The following RERE variants were observed in gnomAD, a reference collection of about 807,000 sequenced individuals.
RERE encodes the protein arginine-glutamic acid dipeptide repeats protein.
In RERE, 40 loss-of-function variants were observed where a neutral mutation model predicts 146.1. The observed-to-expected ratio is 0.27, with a 90% confidence interval of 0.21 to 0.36. The LOEUF is 0.36. RERE is among the 10% of genes least tolerant of loss of function. RERE has a pLI of 1.00. For missense variants in RERE, 1,933 were observed against 2,138.7 expected (o/e 0.90, Z 1.90); for synonymous variants, 1,003 against 866.0 (o/e 1.16, Z -2.78).
intron 1 of RERE, among the ~76,000 whole-genome samples, chr1:8,698,666 T>G (rs531952609): frequency 6.6e-6 from 1 of 152,286 alleles, no homozygotes; most frequent in Admixed American, 6.5e-5. Context: ...AATACTTTAC[T>G]TTTTCTATTT....
chr1:8,544,611 G>A (rs965622623), intron 6 of RERE, among the ~76,000 whole-genome samples: 13 of 152,172 alleles, frequency 8.5e-5, no homozygotes, highest in African/African-American at 2.7e-4. Flanking sequence ...AACAGTTGGT[G>A]ATTTTGGGTG....
At chr1:8,529,985 G>A (rs112904923) in intron 7 of RERE, among the ~76,000 whole-genome samples, 1,939 of 152,176 alleles carry the variant, frequency 0.013, 38 homozygotes, top group African/African-American at 0.044. Context: ...TCTTGAACAC[G>A]GGCTGCCTGT....
At chr1:8,600,119 C>T (rs1646603735) in intron 4 of RERE, among the ~76,000 whole-genome samples, 1 of 152,156 alleles carries the variant, frequency 6.6e-6, no homozygotes, top group Non-Finnish European at 1.5e-5. Flanking sequence ...ATGGGAGTTT[C>T]CCTGCACAAA....
intron 7 of RERE, among the ~76,000 whole-genome samples, chr1:8,539,802 G>A (rs1421384209): frequency 6.6e-6 from 1 of 152,092 alleles, no homozygotes; most frequent in Non-Finnish European, 1.5e-5. Flanking sequence ...TTCTGATGCT[G>A]TCTAGAAAAT....
intron 12 of RERE, among the ~76,000 whole-genome samples, chr1:8,411,933 G>A (rs79716448): frequency 1.2e-3 from 175 of 152,018 alleles, no homozygotes; most frequent in African/African-American, 2.8e-3. Context: ...ACAGATTCTC[G>A]CCAAATGAAA....
chr1:8,539,341 C>T (rs1018985652), intron 7 of RERE, among the ~76,000 whole-genome samples: 2 of 152,084 alleles, frequency 1.3e-5, no homozygotes, highest in African/African-American at 2.4e-5. Context: ...ATCATTGGAA[C>T]ACGGCATACT....
At chr1:8,630,446 C>T (rs890840766) in intron 2 of RERE, among the ~76,000 whole-genome samples, 11 of 152,102 alleles carry the variant, frequency 7.2e-5, no homozygotes, top group South Asian at 2.1e-4. Context: ...AAAGTTGCTA[C>T]GCTCTATCAA....
chr1:8,774,951 C>CTTTTTTTTTTTTTTTT (rs869173167), intron 1 of RERE, among the ~76,000 whole-genome samples: 17 of 47,972 alleles, frequency 3.5e-4, no homozygotes, highest in Non-Finnish European at 4.1e-4. Flanking sequence ...TTCTTTCTTT[C>CTTTTTTTTTTTTTTTT]TTTTTTTTTT....
chr1:8,746,105 C>A (rs886857792), intron 1 of RERE, among the ~76,000 whole-genome samples: 6 of 152,080 alleles, frequency 3.9e-5, no homozygotes, highest in African/African-American at 1.4e-4. Flanking sequence ...TTTGAAAGGC[C>A]CAGTTTAAAT....
intron 1 of RERE, among the ~76,000 whole-genome samples, chr1:8,729,145 G>A (rs2124484357): frequency 6.7e-6 from 1 of 149,640 alleles, no homozygotes; most frequent in Middle Eastern, 3.4e-3. Flanking sequence ...CTCCAGCCTG[G>A]GCAACAAGAG....
intron 11 of RERE, among the ~76,000 whole-genome samples, chr1:8,437,432 T>C (rs1570237141): frequency 6.6e-6 from 1 of 151,374 alleles, no homozygotes; most frequent in South Asian, 2.1e-4. Context: ...CAGGTGATCA[T>C]TGTTTTTTTT....
intron 3 of RERE, among the ~76,000 whole-genome samples, chr1:8,622,711 T>C (rs1426619094): frequency 6.6e-6 from 1 of 152,132 alleles, no homozygotes; most frequent in Non-Finnish European, 1.5e-5. Context: ...CACATTTGAC[T>C]TCATCTTAAA....
intron 1 of RERE, among the ~76,000 whole-genome samples, chr1:8,736,306 A>C (rs1640196363): frequency 6.6e-6 from 1 of 152,154 alleles, no homozygotes; most frequent in Non-Finnish European, 1.5e-5. Flanking sequence ...TCCTGGGTTC[A>C]TGCCATTCTC....
intron 12 of RERE, among the ~76,000 whole-genome samples, chr1:8,421,412 T>C (rs570345786): frequency 1.3e-5 from 2 of 152,338 alleles, no homozygotes; most frequent in Non-Finnish European, 2.9e-5. Context: ...AAGTTGATTA[T>C]ATAGATTGGC....
intron 12 of RERE, among the ~76,000 whole-genome samples, chr1:8,381,467 G>A (rs772462025): frequency 6.6e-6 from 1 of 152,168 alleles, no homozygotes; most frequent in African/African-American, 2.4e-5. Flanking sequence ...TCATAAAAGT[G>A]AAATAACTCA....
At chr1:8,678,571 GA>G (rs1364481615) in intron 1 of RERE, among the ~76,000 whole-genome samples, 1 of 151,976 alleles carries the variant, frequency 6.6e-6, no homozygotes, top group East Asian at 1.9e-4. Flanking sequence ...ATCAGGAACC[GA>G]ATCGATTGAA....
intron 11 of RERE, among the ~76,000 whole-genome samples, chr1:8,463,478 G>T (rs1029387354): frequency 6.6e-6 from 1 of 152,156 alleles, no homozygotes; most frequent in African/African-American, 2.4e-5. Context: ...AGCTCACAGC[G>T]ACAAATCCTC....
At position 8,355,588 on chromosome 1, in the gene RERE, G is replaced by C. The variant is rs928659615; in HGVS notation, c.4498C>G (p.Pro1500Ala). ...LRHPVFGTPY[P>A]RDLPGAIPPP... Reference sequence around the variant, plus strand: ...GGGATGGCCCCAGGCAGGTCACGGGGGTAGGGGGTGCCTGCCGAACACAAA... The same window carrying C: ...GGGATGGCCCCAGGCAGGTCACGGGCGTAGGGGGTGCCTGCCGAACACAAA... Residue 1500 changes from proline to alanine, a missense_variant, in exon 22 of 23, where the codon CCC (proline) becomes GCC (alanine). Pro to Ala is a conservative substitution (Grantham distance 27). This residue lies in a region of RERE where 133 missense variants were observed against 168.6 expected (regional missense o/e 0.79). Transcript: ENST00000400908. The C allele has an allele frequency of 1.3e-6, 2 of 1,579,182 alleles. No individual in the cohort carries two copies. Among genetic ancestry groups the C allele is most frequent in the Non-Finnish European group, 1.7e-6 (2 of 1,159,876 alleles).
intron 1 of RERE, among the ~76,000 whole-genome samples, chr1:8,772,023 T>G (rs767566616): frequency 6.6e-6 from 1 of 152,106 alleles, no homozygotes; most frequent in Non-Finnish European, 1.5e-5. Context: ...TTTGTATGTA[T>G]GTACTGTCAC....
Sources: allele counts gnomAD v4.1 joint callset (sites outside exome capture counted in the v4.1 genomes callset), GRCh38; gene constraint gnomAD v4.1.1; regional missense constraint gnomAD v4.1.1; transcripts MANE v1.5; gene names NCBI Gene and HGNC (gene_info 2026-07-23, HGNC 2026-07-21).